BMP1: variants seen among roughly 807,000 people sequenced by gnomAD.
BMP1 encodes bone morphogenetic protein 1.
Under a neutral mutation model 116.8 loss-of-function variants are expected in BMP1, and 63 were observed. The ratio of observed to expected loss-of-function variants is 0.54; its 90% CI spans 0.44 to 0.67. The LOEUF is 0.67. BMP1 is among the 30% of genes least tolerant of loss of function. The pLI, the probability that BMP1 is intolerant of heterozygous loss-of-function variation, is 0.00. For missense variants in BMP1, 1,183 were observed against 1,358.9 expected (o/e 0.87, Z 2.04); for synonymous variants, 536 against 533.4 (o/e 1.00, Z -0.07).
chr8:22,199,138 C>T, intron 15 of BMP1: 1 of 1,367,692 alleles, frequency 7.3e-7, no homozygotes, highest in Non-Finnish European at 9.8e-7. Flanking sequence ...CGGAGACACA[C>T]ACGCCCACAC....
chr8:22,188,472 A>T (rs561293824), intron 8 of BMP1, among the ~76,000 whole-genome samples: 2 of 152,222 alleles, frequency 1.3e-5, no homozygotes, highest in South Asian at 4.1e-4. Flanking sequence ...ACCCGGCCCC[A>T]TCTCAATTTC....
intron 13 of BMP1, among the ~76,000 whole-genome samples, chr8:22,196,029 C>T (rs1829074483): frequency 2.0e-5 from 3 of 152,144 alleles, no homozygotes; most frequent in Admixed American, 6.5e-5. Context: ...GGATAAGAAA[C>T]ACATGTCACA....
At chr8:22,176,782 C>T (rs1365030528) in intron 4 of BMP1, 132 bp downstream of exon 4, 5 of 1,073,820 alleles carry the variant, frequency 4.7e-6, no homozygotes, top group Non-Finnish European at 7.0e-6. Context: ...GGGCATCTAC[C>T]CAGGAACTGC....
rs932012734 is a variant in BMP1 at position 22,198,875 on chromosome 8, A to G, written c.2107+1455A>G. The G allele has an allele frequency of 6.5e-6, 7 of 1,076,064 alleles. No homozygotes were observed. In the Admixed American group the frequency reaches 1.3e-4, roughly 20 times the overall value. 66.7% of individuals were successfully genotyped at this position (1,076,064 alleles called of 1,614,324 possible). Reference sequence around the variant, plus strand: ...CTGAGACCCTCCCCATGCCAGGCCAATTTCTTCCTTCCCTGTGCCCACCTG... The same window carrying G: ...CTGAGACCCTCCCCATGCCAGGCCAGTTTCTTCCTTCCCTGTGCCCACCTG... On this transcript the variant is annotated intron_variant, in intron 15 of 19. Coordinates refer to ENST00000306385, the MANE Select transcript of BMP1 (RefSeq NM_006129.5).
intron 8 of BMP1, among the ~76,000 whole-genome samples, chr8:22,189,672 G>T (rs534179625): frequency 1.3e-5 from 2 of 151,838 alleles, no homozygotes; most frequent in South Asian, 2.1e-4. Context: ...TCACTGTGTT[G>T]CCCAGGCTGG....
chr8:22,176,442 C>G, intron 3 of BMP1, 91 bp from the exon 4 acceptor site: 2 of 1,558,754 alleles, frequency 1.3e-6, no homozygotes, highest in Non-Finnish European at 1.8e-6. Context: ...TCCAGGCAGT[C>G]TGCCCTCAGA....
intron 4 of BMP1, 134 bp downstream of exon 4, chr8:22,176,784 A>G (rs1828449482): frequency 9.3e-7 from 1 of 1,079,048 alleles, no homozygotes; most frequent in African/African-American, 1.5e-5. Flanking sequence ...GCATCTACCC[A>G]GGAACTGCCC....
In BMP1 at chr8:22,194,211, G is replaced by T; in HGVS notation, c.1297+37G>T. The T allele has an allele frequency of 6.3e-7, 1 of 1,586,850 alleles. No individual in the cohort carries two copies. Among genetic ancestry groups the T allele is most frequent in the Non-Finnish European group, 8.7e-7 (1 of 1,155,148 alleles). ...GGCGGCGGGCGGGAGGAGTCAGATA[G>T]GAGGTCTCTGGGCATGGTAAAACAA... On this transcript the variant is annotated intron_variant, in intron 10 of 19. Coordinates refer to ENST00000306385, the MANE Select transcript of BMP1 (RefSeq NM_006129.5). This position sits in a 1 kb window ranked among gnomAD's most constrained non-coding sequence, Gnocchi z 4.5.
In BMP1 at chr8:22,194,351, T is replaced by C. The variant is rs1829016133; in HGVS notation, c.1298-94T>C. 1 of 1,531,574 alleles carries C rather than the reference T, an allele frequency of 6.5e-7. No homozygotes were observed. Among genetic ancestry groups the C allele is most frequent in the Non-Finnish European group, 8.9e-7 (1 of 1,121,924 alleles). 94.9% of individuals were successfully genotyped at this position (1,531,574 alleles called of 1,614,324 possible). ...TGGGGAACTGAAAAGCTGGGGGACA[T>C]GGGAGGGACTGGAGGAGTGGGGAAA... On this transcript the variant is annotated intron_variant, in intron 10 of 19. Transcript: ENST00000306385. The surrounding 1 kb of genome is among the most constrained non-coding windows in gnomAD (Gnocchi z 4.5).
intron 18 of BMP1, among the ~76,000 whole-genome samples, chr8:22,208,538 G>A (rs377467806): frequency 6.6e-6 from 1 of 152,244 alleles, no homozygotes; most frequent in Non-Finnish European, 1.5e-5. Context: ...TTCGAGGCAG[G>A]GGGAGGTGCC....
chr8:22,184,990 A>G (rs953101447), intron 8 of BMP1, among the ~76,000 whole-genome samples: 3 of 152,194 alleles, frequency 2.0e-5, no homozygotes, highest in East Asian at 1.9e-4. Context: ...CTTGCCATAT[A>G]TAATTGATTC....
chr8:22,187,417 C>T (rs970385228), intron 8 of BMP1, among the ~76,000 whole-genome samples: 6 of 151,342 alleles, frequency 4.0e-5, no homozygotes, highest in South Asian at 4.2e-4. Context: ...CTGCAAGCTC[C>T]GCCTCCCGGG....
intron 9 of BMP1, 81 bp downstream of exon 9, chr8:22,192,232 C>T: frequency 7.9e-7 from 1 of 1,264,890 alleles, no homozygotes; most frequent in Non-Finnish European, 1.1e-6. Context: ...CATCCCCCTC[C>T]AGGGCCCAAC....
intron 9 of BMP1, 125 bp downstream of exon 9, chr8:22,192,276 A>G: frequency 2.6e-6 from 2 of 770,694 alleles, no homozygotes; most frequent in South Asian, 3.3e-5. Context: ...TATGGGAGCC[A>G]GGAGTCCTGG....
At chr8:22,206,276 T>C (rs544147028) in intron 16 of BMP1, among the ~76,000 whole-genome samples, 3 of 151,974 alleles carry the variant, frequency 2.0e-5, no homozygotes, top group Admixed American at 6.5e-5. Context: ...CCAAGGTGGG[T>C]AGATCTCCTG....
intron 3 of BMP1, 75 bp downstream of exon 3, chr8:22,176,388 G>C: frequency 1.3e-5 from 21 of 1,561,974 alleles, no homozygotes; most frequent in Non-Finnish European, 1.4e-5. Flanking sequence ...GCCAGGCACG[G>C]AGGCGTGGGT....
intron 19 of BMP1, among the ~76,000 whole-genome samples, chr8:22,210,293 C>T (rs1398302810): frequency 6.6e-6 from 1 of 151,886 alleles, no homozygotes; most frequent in Admixed American, 6.5e-5. Flanking sequence ...ATGGGCTTTT[C>T]CCTAAGGACA....
At chr8:22,182,840 T>A (rs891876127) in intron 8 of BMP1, among the ~76,000 whole-genome samples, 1 of 152,248 alleles carries the variant, frequency 6.6e-6, no homozygotes, top group Admixed American at 6.5e-5. Context: ...CACATGCTAA[T>A]CACATCTGCA....
chr8:22,176,841 C>T, intron 4 of BMP1, 120 bp from the exon 5 acceptor site: 2 of 999,108 alleles, frequency 2.0e-6, no homozygotes, highest in African/African-American at 1.6e-5. Flanking sequence ...ACTCGGTGCT[C>T]AGGGCCCACC....
Sources: allele counts gnomAD v4.1 joint callset (sites outside exome capture counted in the v4.1 genomes callset), GRCh38; gene constraint gnomAD v4.1.1; non-coding constraint Gnocchi (gnomAD v3.1); transcripts MANE v1.5; gene names NCBI Gene and HGNC (gene_info 2026-07-23, HGNC 2026-07-21).